The following GPC6 variants were observed in gnomAD, a reference collection of about 807,000 sequenced individuals.
GPC6 encodes glypican 6.
Under a neutral mutation model 55.2 loss-of-function variants are expected in GPC6, and 14 were observed. The observed-to-expected ratio is 0.25, with a 90% CI of 0.17 to 0.40. The LOEUF (loss-of-function observed/expected upper bound fraction) is 0.40, where lower values mean the gene tolerates loss of function less well. GPC6 is among the 10% of genes least tolerant of loss of function. GPC6 has a pLI of 1.00. For synonymous variants in GPC6, 278 were observed against 259.6 expected (o/e 1.07, Z -0.68); for missense variants, 641 against 708.5 (o/e 0.90, Z 1.08).
chr13:93,236,744 G>A (rs1249806681), intron 1 of GPC6, among the ~76,000 whole-genome samples: 1 of 152,070 alleles, frequency 6.6e-6, no homozygotes, highest in Non-Finnish European at 1.5e-5. Flanking sequence ...CAAAAAGGTT[G>A]GGGACTGCTG....
At position 94,365,566 on chromosome 13, in the gene GPC6, G is replaced by A. The variant is rs1879252165; in HGVS notation, c.1153-16848G>A. Among the ~76,000 whole-genome samples, 3 of 152,144 alleles carry A rather than the reference G, an allele frequency of 2.0e-5. No homozygotes were observed. In the South Asian group the frequency reaches 6.2e-4, roughly 32 times the overall value. On this transcript the variant is annotated intron_variant, in intron 6 of 8. Coordinates refer to ENST00000377047, the MANE Select transcript of GPC6 (RefSeq NM_005708.5). ...AAAAGACATTTATATGCTTTTGGCTGCCTATTCCATAAAAGATTTATGGCA... is the reference window on the plus strand; with the variant it reads ...AAAAGACATTTATATGCTTTTGGCTACCTATTCCATAAAAGATTTATGGCA...
chr13:94,225,839 A>G (rs189340630), intron 4 of GPC6, among the ~76,000 whole-genome samples: 1 of 152,124 alleles, frequency 6.6e-6, no homozygotes, highest in Non-Finnish European at 1.5e-5. Flanking sequence ...TGGTGTTTGC[A>G]GTGACCTTAC....
At chr13:93,488,224 G>GT in intron 1 of GPC6, among the ~76,000 whole-genome samples, 1 of 152,172 alleles carries the variant, frequency 6.6e-6, no homozygotes, top group Non-Finnish European at 1.5e-5. Context: ...GTGGTGTTTG[G>GT]TTTTTTGTCC....
Position 94,031,880 on chromosome 13 carries a change from A to G in GPC6, c.877+3986A>G, listed in dbSNP as rs74623228. Among the ~76,000 whole-genome samples, 666 of 152,326 alleles carry G rather than the reference A, an allele frequency of 4.4e-3. 8 individuals are homozygous for G. The highest frequency in any genetic ancestry group is 0.015 in the African/African-American group (636 of 41,566). On this transcript the variant is annotated intron_variant, in intron 4 of 8. Coordinates refer to ENST00000377047, the MANE Select transcript of GPC6 (RefSeq NM_005708.5). The stretch of plus-strand genomic sequence containing the variant: ...TGAACACAAAAGTCAAGGCTGAATT[A>G]CATTTATATAGCTATAGTAAATCTT...
At chr13:94,128,490 G>A (rs879155559) in intron 4 of GPC6, among the ~76,000 whole-genome samples, 2 of 152,120 alleles carry the variant, frequency 1.3e-5, no homozygotes, top group East Asian at 1.9e-4. Flanking sequence ...AGGTGGGGAC[G>A]CTACACTTGT....
chr13:94,400,470 T>C (rs1045434904), intron 8 of GPC6, among the ~76,000 whole-genome samples: 4 of 152,184 alleles, frequency 2.6e-5, no homozygotes, highest in African/African-American at 7.2e-5. Context: ...AATTCTGATA[T>C]CTCTGAATTT....
At chr13:94,154,152 A>G (rs1353649112) in intron 4 of GPC6, 1 of 152,178 alleles carries the variant, frequency 6.6e-6, no homozygotes, top group Non-Finnish European at 1.5e-5. Context: ...ATAAATTTAT[A>G]TTAAGATGCC....
chr13:93,828,636 G>T (rs1018654075), intron 2 of GPC6, among the ~76,000 whole-genome samples: 1 of 151,800 alleles, frequency 6.6e-6, no homozygotes, highest in African/African-American at 2.4e-5. Context: ...AAAACCATTT[G>T]GTGACCTGGA....
At chr13:93,514,224 G>C (rs1881097842) in intron 1 of GPC6, among the ~76,000 whole-genome samples, 1 of 152,036 alleles carries the variant, frequency 6.6e-6, no homozygotes, top group African/African-American at 2.4e-5. Flanking sequence ...TTGAGAAGTT[G>C]GTTGGCTGAA....
chr13:94,370,946 T>C (rs573235221), intron 6 of GPC6, among the ~76,000 whole-genome samples: 1 of 152,356 alleles, frequency 6.6e-6, no homozygotes, highest in South Asian at 2.1e-4. Context: ...TGCCTGCCAT[T>C]ATATTGTTTA....
intron 1 of GPC6, among the ~76,000 whole-genome samples, chr13:93,321,908 A>G (rs1879454089): frequency 6.6e-6 from 1 of 152,136 alleles, no homozygotes. Flanking sequence ...ATCTAGAAGT[A>G]CAGAACTTCT....
chr13:93,231,405 A>ATGTG (rs1566533677), intron 1 of GPC6, among the ~76,000 whole-genome samples: 2 of 35,278 alleles, frequency 5.7e-5, no homozygotes, highest in African/African-American at 2.5e-4. Flanking sequence ...ATGTATATAT[A>ATGTG]TATATATATA....
Position 94,193,730 on chromosome 13 carries a change from T to G in GPC6, c.878-92619T>G, listed in dbSNP as rs565561816. ...ACTGAGATAAAGACATTGAAATGCA[T>G]ATGATCATTGTCGTCATGCAGTGAA... On this transcript the variant is annotated intron_variant, in intron 4 of 8. Coordinates refer to ENST00000377047, the MANE Select transcript of GPC6 (RefSeq NM_005708.5). 5.9e-5 allele frequency among the ~76,000 whole-genome samples: 9 copies of G among 152,316 alleles called. No homozygotes were observed. The East Asian group carries it at 1.7e-3, about 29-fold the overall frequency.
intron 1 of GPC6, among the ~76,000 whole-genome samples, chr13:93,275,687 TC>T (rs1877708723): frequency 6.6e-6 from 1 of 152,100 alleles, no homozygotes. Context: ...TGTCTGTGTA[TC>T]CAAACTTCTT....
At chr13:93,593,087 A>T (rs1877563366) in intron 2 of GPC6, among the ~76,000 whole-genome samples, 1 of 152,162 alleles carries the variant, frequency 6.6e-6, no homozygotes, top group African/African-American at 2.4e-5. Context: ...ACATGGATAC[A>T]TAAATGCCCG....
chr13:93,294,902 T>G lies in GPC6; in HGVS notation c.160+67286T>G, dbSNP rs768016211. ...TTTGGCCTGAGTTGAACTCATTCTC[T>G]TTCTCTCCCACATTCATTGTGTTTT... On this transcript the variant is annotated intron_variant, in intron 1 of 8. Transcript: ENST00000377047. Among the ~76,000 whole-genome samples the G allele has an allele frequency of 5.8e-4, 88 of 151,972 alleles. 1 individual carries two copies. The highest frequency in any genetic ancestry group is 9.4e-4 in the Non-Finnish European group (64 of 67,994).
intron 1 of GPC6, among the ~76,000 whole-genome samples, chr13:93,453,628 T>C (rs2590557): frequency 0.62 from 92,544 of 148,276 alleles, 30,233 homozygotes; most frequent in Middle Eastern, 0.77. Flanking sequence ...TTTCTTCCTT[T>C]TCGTGGGTTC....
chr13:93,892,816 T>C (rs1224314060), intron 3 of GPC6, among the ~76,000 whole-genome samples: 2 of 152,162 alleles, frequency 1.3e-5, no homozygotes, highest in African/African-American at 2.4e-5. Context: ...AAATCTGCAG[T>C]GTTTCACTAA....
chr13:93,584,903 T>C (rs1877121666), intron 2 of GPC6, among the ~76,000 whole-genome samples: 1 of 152,046 alleles, frequency 6.6e-6, no homozygotes, highest in Admixed American at 6.6e-5. Context: ...TTGCCCAGAC[T>C]AGTCTTGAAC....
Sources: allele counts gnomAD v4.1 joint callset (sites outside exome capture counted in the v4.1 genomes callset), GRCh38; gene constraint gnomAD v4.1.1; transcripts MANE v1.5; gene names NCBI Gene and HGNC (gene_info 2026-07-23, HGNC 2026-07-21).